MYO3B: variants seen among roughly 807,000 people sequenced by gnomAD.
MYO3B encodes myosin IIIB.
Under a neutral mutation model 174.6 loss-of-function variants are expected in MYO3B, and 156 were observed. The ratio of observed to expected loss-of-function variants is 0.89; its 90% CI spans 0.78 to 1.02. The LOEUF is 1.02. Ranked by LOEUF, MYO3B falls within the 50% of genes least tolerant of loss-of-function variation. The probability of loss-of-function intolerance (pLI) is 0.00; values close to 1 mark genes in which losing one functional copy is unlikely to be tolerated. For missense variants in MYO3B, 1,632 were observed against 1,639.4 expected (o/e 1.00, Z 0.08); for synonymous variants, 563 against 569.1 (o/e 0.99, Z 0.15).
chr2:170,462,843 G>A (rs530901572), intron 23 of MYO3B, among the ~76,000 whole-genome samples: 3 of 152,356 alleles, frequency 2.0e-5, no homozygotes, highest in East Asian at 1.9e-4. Flanking sequence ...TTGGGTTTCC[G>A]AGTGATTTGG....
intron 23 of MYO3B, among the ~76,000 whole-genome samples, chr2:170,459,710 G>A (rs1371815495): frequency 6.6e-6 from 1 of 152,170 alleles, no homozygotes; most frequent in Non-Finnish European, 1.5e-5. Context: ...TCAAGGCTCG[G>A]GCCGCATGGG....
intron 8 of MYO3B, among the ~76,000 whole-genome samples, chr2:170,365,560 T>A (rs2094192238): frequency 6.6e-6 from 1 of 152,218 alleles, no homozygotes; most frequent in Non-Finnish European, 1.5e-5. Context: ...TCTTAAGGCA[T>A]AACTTTCCTC....
intron 32 of MYO3B, among the ~76,000 whole-genome samples, chr2:170,617,594 C>T (rs1695547576): frequency 6.6e-6 from 1 of 152,174 alleles, no homozygotes; most frequent in African/African-American, 2.4e-5. Flanking sequence ...TATTGTTAAT[C>T]TCCATAATTT....
At chr2:170,395,223 T>G (rs879603027) in intron 16 of MYO3B, among the ~76,000 whole-genome samples, 3 of 152,184 alleles carry the variant, frequency 2.0e-5, no homozygotes, top group Admixed American at 2.0e-4. Context: ...GCTGGGGGAT[T>G]ATACCTAAGA....
chr2:170,440,191 G>A (rs1185848973), intron 22 of MYO3B, among the ~76,000 whole-genome samples: 1 of 152,008 alleles, frequency 6.6e-6, no homozygotes, highest in African/African-American at 2.4e-5. Flanking sequence ...TTATTTCTGG[G>A]CACTCTGTTT....
chr2:170,634,505 C>T (rs185209459), intron 32 of MYO3B, among the ~76,000 whole-genome samples: 1 of 152,202 alleles, frequency 6.6e-6, no homozygotes, highest in Non-Finnish European at 1.5e-5. Context: ...AGACCTAAAA[C>T]CATAAAAACT....
intron 27 of MYO3B, among the ~76,000 whole-genome samples, chr2:170,500,009 A>T (rs569116705): frequency 4.3e-5 from 6 of 139,170 alleles, no homozygotes; most frequent in South Asian, 2.2e-4. Flanking sequence ...TCAAATGTGT[A>T]TCAAGTGCCT....
At chr2:170,431,164 C>G (rs2094705501) in intron 22 of MYO3B, among the ~76,000 whole-genome samples, 1 of 152,000 alleles carries the variant, frequency 6.6e-6, no homozygotes, top group African/African-American at 2.4e-5. Flanking sequence ...GGCTCTTGTA[C>G]TTTTGTGAAC....
intron 32 of MYO3B, among the ~76,000 whole-genome samples, chr2:170,638,369 C>T (rs1697697393): frequency 6.6e-6 from 1 of 152,122 alleles, no homozygotes; most frequent in South Asian, 2.1e-4. Flanking sequence ...GGGAACCTAC[C>T]TTGTGCAGCT....
At position 170,303,272 on chromosome 2, in the gene MYO3B, C is replaced by T. The variant is rs117485397; in HGVS notation, c.750-32113C>T. Among the ~76,000 whole-genome samples the T allele has an allele frequency of 4.7e-3, 718 of 152,142 alleles. 7 individuals are homozygous for T. Among genetic ancestry groups the T allele is most frequent in the East Asian group, 0.037 (194 of 5,180 alleles). ...AAGAGATGGGCATTTAGAAGTTTGGCAGATTTTACCCAATTCTTGCTCAAA... is the reference window on the plus strand; with the variant it reads ...AAGAGATGGGCATTTAGAAGTTTGGTAGATTTTACCCAATTCTTGCTCAAA... On this transcript the variant is annotated intron_variant, in intron 7 of 34. Coordinates refer to ENST00000408978, the MANE Select transcript of MYO3B (RefSeq NM_138995.5).
chr2:170,265,122 C>T (rs970845636), intron 7 of MYO3B, among the ~76,000 whole-genome samples: 7 of 152,196 alleles, frequency 4.6e-5, no homozygotes, highest in Non-Finnish European at 7.4e-5. Flanking sequence ...GGCACCCCAT[C>T]TCTTTACTGA....
At position 170,466,509 on chromosome 2, in the gene MYO3B, T is replaced by C. The variant is rs752099894; in HGVS notation, c.2812T>C (p.Ser938Pro). ...RQTVASYFRY[S>P]LMDLLSKMVV... ...TGTGCATTTTTCTCCCTGGTAGTAT[T>C]CTCTGATGGACCTGCTCTCCAAAAT... is the stretch of plus-strand genomic sequence containing the variant. Residue 938 changes from serine to proline, a missense_variant, in exon 25 of 35, where the codon TCT (serine) becomes CCT (proline). Ser to Pro is a moderately conservative substitution (Grantham distance 74). Coordinates refer to ENST00000408978, the MANE Select transcript of MYO3B (RefSeq NM_138995.5). 1 of 1,614,086 alleles carries C rather than the reference T, an allele frequency of 6.2e-7. No homozygotes were observed. The highest frequency in any genetic ancestry group is 1.1e-5 in the South Asian group (1 of 91,066).
At chr2:170,587,403 C>A in intron 32 of MYO3B, among the ~76,000 whole-genome samples, 1 of 152,092 alleles carries the variant, frequency 6.6e-6, no homozygotes, top group Non-Finnish European at 1.5e-5. Flanking sequence ...CTAATGTTGC[C>A]AGTAAGAGGC....
intron 32 of MYO3B, among the ~76,000 whole-genome samples, chr2:170,588,330 T>C (rs1231969385): frequency 1.3e-5 from 2 of 152,090 alleles, no homozygotes; most frequent in Non-Finnish European, 2.9e-5. Context: ...TCCTAGCTAC[T>C]CAGGAGGCTG....
At chr2:170,480,734 G>GCCA (rs1685637787) in intron 25 of MYO3B, among the ~76,000 whole-genome samples, 1 of 152,120 alleles carries the variant, frequency 6.6e-6, no homozygotes, top group Non-Finnish European at 1.5e-5. Flanking sequence ...ATGCCCAGTT[G>GCCA]GTATCTGCTG....
At chr2:170,622,013 A>G (rs1267728762) in intron 32 of MYO3B, among the ~76,000 whole-genome samples, 2 of 152,282 alleles carry the variant, frequency 1.3e-5, no homozygotes, top group East Asian at 3.9e-4. Flanking sequence ...GCAACTTGGC[A>G]GTTGTTCTCA....
chr2:170,637,463 A>G (rs1697613110), intron 32 of MYO3B, among the ~76,000 whole-genome samples: 1 of 151,998 alleles, frequency 6.6e-6, no homozygotes, highest in South Asian at 2.1e-4. Flanking sequence ...GTGAGCCACC[A>G]CGCCCCACCT....
chr2:170,427,224 C>T (rs1025887803), intron 22 of MYO3B, among the ~76,000 whole-genome samples: 2 of 152,114 alleles, frequency 1.3e-5, no homozygotes, highest in Non-Finnish European at 2.9e-5. Flanking sequence ...GTTCCTTCAT[C>T]AGATAAATAA....
intron 16 of MYO3B, among the ~76,000 whole-genome samples, chr2:170,398,523 G>A (rs1283281114): frequency 3.3e-5 from 5 of 152,006 alleles, no homozygotes; most frequent in South Asian, 4.2e-4. Context: ...CCAAAAGTTC[G>A]AACTCTCTAA....
Sources: gnomAD v4.1 joint callset for allele counts (sites outside exome capture counted in the v4.1 genomes callset) on GRCh38, gnomAD v4.1.1 for gene constraint, MANE v1.5 for transcripts, NCBI Gene and HGNC (gene_info 2026-07-23, HGNC 2026-07-21) for gene names.